The following MAOA variants were observed in gnomAD, a reference collection of about 807,000 sequenced individuals.
The protein encoded by MAOA is amine oxidase [flavin-containing] A.
Under a neutral mutation model 42.0 loss-of-function variants are expected in MAOA, and 6 were observed. The ratio of observed to expected loss-of-function variants is 0.14; its 90% confidence interval spans 0.08 to 0.28. MAOA has a LOEUF of 0.28. MAOA is among the 10% of genes least tolerant of loss of function. The probability of loss-of-function intolerance (pLI) is 1.00; values close to 1 mark genes in which losing one functional copy is unlikely to be tolerated. For missense variants in MAOA, 262 were observed against 422.3 expected (o/e 0.62, Z 3.33); for synonymous variants, 140 against 154.0 (o/e 0.91, Z 0.67).
chrX:43,738,540 G>T (rs191625912), intron 10 of MAOA, among the ~76,000 whole-genome samples: 1 of 111,912 alleles, frequency 8.9e-6, no homozygotes, highest in East Asian at 2.8e-4. Context: ...AGTTAAGCAG[G>T]CCTGGCGCAT....
intron 2 of MAOA, among the ~76,000 whole-genome samples, chrX:43,687,774 G>A (rs1182551339): frequency 1.8e-5 from 2 of 112,322 alleles, no homozygotes; most frequent in Non-Finnish European, 3.8e-5. Flanking sequence ...TTAGAAGATG[G>A]CAACTTCGAA....
intron 5 of MAOA, among the ~76,000 whole-genome samples, chrX:43,723,320 A>C (rs761085646): frequency 5.4e-5 from 6 of 111,776 alleles, no homozygotes; most frequent in Non-Finnish European, 7.5e-5. Context: ...CCTATCCATG[A>C]GCATGGAATG....
chrX:43,673,044 A>G (rs980593902), intron 1 of MAOA, among the ~76,000 whole-genome samples: 1 of 110,602 alleles, frequency 9.0e-6, no homozygotes, highest in African/African-American at 3.3e-5. Flanking sequence ...CTCTGGTAGA[A>G]TTTGGCTGTG....
intron 1 of MAOA, among the ~76,000 whole-genome samples, chrX:43,678,698 A>G (rs1266515122): frequency 8.9e-6 from 1 of 112,038 alleles, no homozygotes; most frequent in Non-Finnish European, 1.9e-5. Flanking sequence ...AGAGTTGGTT[A>G]TAATCCAAGA....
chrX:43,663,450 G>T (rs937105664), intron 1 of MAOA, among the ~76,000 whole-genome samples: 35 of 111,852 alleles, frequency 3.1e-4, no homozygotes, highest in African/African-American at 1.1e-3. Context: ...CATGTCCAAG[G>T]GTTATAGAAT....
Position 43,745,456 on chromosome X carries a change from A to G in MAOA, c.*943A>G, listed in dbSNP as rs2033992223. 1 of 112,075 alleles carries G rather than the reference A, an allele frequency of 8.9e-6. No individual in the cohort carries two copies. Among genetic ancestry groups the G allele is most frequent in the Non-Finnish European group, 1.9e-5 (1 of 53,252 alleles). The allele number at this position is 112,075 out of a possible 1,213,427, so 9.2% of individuals were successfully genotyped here. On this transcript the variant is annotated 3_prime_UTR_variant, in exon 15 of 15. Coordinates refer to ENST00000338702, the MANE Select transcript of MAOA (RefSeq NM_000240.4). Reference sequence around the variant, plus strand: ...TTTTCTTTTAATTTTTCCTATGACCATAAAATTAGACATACCTCTCAACTT... The same window carrying G: ...TTTTCTTTTAATTTTTCCTATGACCGTAAAATTAGACATACCTCTCAACTT...
chrX:43,727,175 G>C (rs2033844773), intron 5 of MAOA, among the ~76,000 whole-genome samples: 2 of 112,151 alleles, frequency 1.8e-5, no homozygotes, highest in African/African-American at 6.5e-5. Flanking sequence ...GAGGCAGTCT[G>C]TCCGTTATCA....
intron 3 of MAOA, among the ~76,000 whole-genome samples, chrX:43,696,587 G>A (rs772749369): frequency 2.0e-3 from 226 of 110,400 alleles, no homozygotes; most frequent in African/African-American, 6.8e-3. Flanking sequence ...AAATTAGCCG[G>A]GCGTGCTGGC....
At chrX:43,691,987 G>C (rs888959900) in intron 2 of MAOA, among the ~76,000 whole-genome samples, 1 of 89,625 alleles carries the variant, frequency 1.1e-5, no homozygotes, top group Non-Finnish European at 2.1e-5. Flanking sequence ...GACTAGACAA[G>C]TTGCACTGTA....
chrX:43,691,830 T>C (rs2033535949), intron 2 of MAOA, among the ~76,000 whole-genome samples: 1 of 111,277 alleles, frequency 9.0e-6, no homozygotes, highest in Non-Finnish European at 1.9e-5. Context: ...AACATAGATA[T>C]AAAAATTCTA....
intron 1 of MAOA, among the ~76,000 whole-genome samples, chrX:43,678,852 C>G (rs1207502756): frequency 8.9e-6 from 1 of 112,185 alleles, no homozygotes; most frequent in African/African-American, 3.2e-5. Context: ...ATTTTCCTAA[C>G]AGCATCATAC....
intron 3 of MAOA, among the ~76,000 whole-genome samples, chrX:43,702,747 T>A (rs1250715436): frequency 1.8e-5 from 2 of 112,135 alleles, no homozygotes; most frequent in African/African-American, 6.5e-5. Context: ...TTCCCATAGC[T>A]CTCCTGTAAT....
At chrX:43,735,789 G>C (rs1431911526) in intron 9 of MAOA, among the ~76,000 whole-genome samples, 1 of 112,808 alleles carries the variant, frequency 8.9e-6, no homozygotes, top group Non-Finnish European at 1.9e-5. Context: ...TGTGAGGTAA[G>C]AGTAACGAGT....
intron 6 of MAOA, among the ~76,000 whole-genome samples, chrX:43,728,929 C>T (rs1310542070): frequency 1.8e-5 from 2 of 113,191 alleles, no homozygotes; most frequent in African/African-American, 6.4e-5. Context: ...ATCCTAATTC[C>T]CCAGACTCTG....
At chrX:43,697,999 G>T (rs2033594406) in intron 3 of MAOA, among the ~76,000 whole-genome samples, 1 of 111,816 alleles carries the variant, frequency 8.9e-6, no homozygotes, top group Admixed American at 9.5e-5. Context: ...TAGTGTATTG[G>T]GTTAATAATA....
At chrX:43,657,181 ATATATATATATGAACTGTGTT>A (rs1569187388) in intron 1 of MAOA, among the ~76,000 whole-genome samples, 8 of 92,967 alleles carry the variant, frequency 8.6e-5, no homozygotes, top group African/African-American at 3.4e-4. Context: ...AACTGTGTTT[ATATATATATATGAACTGTGTT>A]TATATATATA....
chrX:43,722,817 T>A (rs2033801778), intron 5 of MAOA, among the ~76,000 whole-genome samples: 3 of 112,118 alleles, frequency 2.7e-5, no homozygotes, highest in African/African-American at 9.7e-5. Flanking sequence ...TTTATGGTTT[T>A]AAGTTATACG....
At chrX:43,732,842 A>G (rs753321967) in intron 9 of MAOA, 47 bp downstream of exon 9, 1 of 817,889 alleles carries the variant, frequency 1.2e-6, no homozygotes, top group African/African-American at 2.0e-5. Flanking sequence ...GTGTTGATGT[A>G]TTGGTGTGGA....
chrX:43,681,445 T>A (rs2033441613), intron 1 of MAOA, among the ~76,000 whole-genome samples: 1 of 111,505 alleles, frequency 9.0e-6, no homozygotes, highest in East Asian at 2.8e-4. Flanking sequence ...ATTACTCACT[T>A]GTTTTATCAC....
Sources: allele counts gnomAD v4.1 joint callset (sites outside exome capture counted in the v4.1 genomes callset), GRCh38; gene constraint gnomAD v4.1.1; transcripts MANE v1.5; gene names NCBI Gene and HGNC (gene_info 2026-07-23, HGNC 2026-07-21).